Variants in LIMCH1 observed in about 807,000 individuals in gnomAD.
LIMCH1 encodes LIM and calponin homology domains 1, also known as LIM and calponin homology domains-containing protein 1.
Under a neutral mutation model 176.5 loss-of-function variants are expected in LIMCH1, and 113 were observed. The ratio of observed to expected loss-of-function variants is 0.64; its 90% CI spans 0.55 to 0.75. The LOEUF is 0.75. Among genes scored for constraint, LIMCH1 ranks in the 30% least tolerant of loss-of-function variants. The probability of loss-of-function intolerance (pLI) is 0.00; values close to 1 mark genes in which losing one functional copy is unlikely to be tolerated. For synonymous variants in LIMCH1, 619 were observed against 645.9 expected, an observed-to-expected ratio of 0.96 and a Z score of 0.63; for missense variants, 1,674 against 1,814.9, an observed-to-expected ratio of 0.92 and a Z score of 1.41.
intron 1 of LIMCH1, among the ~76,000 whole-genome samples, chr4:41,364,484 C>G (rs113668021): frequency 1.6e-4 from 24 of 152,138 alleles, no homozygotes; most frequent in African/African-American, 4.8e-4. Flanking sequence ...TGATTTCATC[C>G]TATTATCTCA....
chr4:41,672,198 CG>C (rs1553868783), intron 22 of LIMCH1, among the ~76,000 whole-genome samples: 1 of 151,984 alleles, frequency 6.6e-6, no homozygotes, highest in Non-Finnish European at 1.5e-5. Flanking sequence ...GGTGAAACCC[CG>C]TCTCTACTGA....
chr4:41,600,971 C>T (rs1244910512), intron 2 of LIMCH1, among the ~76,000 whole-genome samples: 1 of 152,060 alleles, frequency 6.6e-6, no homozygotes, highest in Non-Finnish European at 1.5e-5. Flanking sequence ...CCTTCCCTCC[C>T]TTTTTAATCC....
At chr4:41,620,119 C>T (rs12648548) in intron 6 of LIMCH1, 191,843 of 307,834 alleles carry the variant, frequency 0.62, 66,848 homozygotes, top group Non-Finnish European at 0.73. Context: ...TATTATTTTC[C>T]ATTGAATAAA....
chr4:41,547,897 A>ATATATATATATATATATATAT (rs56354382), intron 1 of LIMCH1, among the ~76,000 whole-genome samples: 1 of 141,934 alleles, frequency 7.0e-6, no homozygotes. Context: ...ATATATATAT[A>ATATATATATATATATATATAT]AACAGTGAGT....
chr4:41,450,130 G>A (rs1221070773), intron 1 of LIMCH1, among the ~76,000 whole-genome samples: 1 of 152,104 alleles, frequency 6.6e-6, no homozygotes, highest in East Asian at 1.9e-4. Flanking sequence ...TTGCAGAGTG[G>A]CGCACAATTC....
At chr4:41,531,444 C>T (rs1409904304) in intron 3 of LIMCH1, among the ~76,000 whole-genome samples, 5 of 146,890 alleles carry the variant, frequency 3.4e-5, no homozygotes, top group African/African-American at 1.0e-4. Context: ...AAAATGCCCT[C>T]CTCTCTTTCT....
chr4:41,644,924 G>A (rs1384843337), intron 15 of LIMCH1, among the ~76,000 whole-genome samples: 1 of 152,182 alleles, frequency 6.6e-6, no homozygotes, highest in Non-Finnish European at 1.5e-5. Context: ...ATCTTCTGAG[G>A]TTATATATTT....
Position 41,632,795 on chromosome 4 carries a change from C to T in LIMCH1, c.1648C>T (p.Leu550=), listed in dbSNP as rs2093394497. 1 of 1,536,240 alleles carries T rather than the reference C, an allele frequency of 6.5e-7. No individual in the cohort carries two copies. Among genetic ancestry groups the T allele is most frequent in the Non-Finnish European group, 8.7e-7 (1 of 1,146,928 alleles). The part of the protein sequence containing the change: ...RGDYCRRASW[L]APVPESQEEW... ...TGACTATTGCAGAAGGGCCTCGTGG[C>T]TGGCTCCTGTGCCGGAGTCTCAGGA... Residue 550 remains leucine, a synonymous_variant, in exon 11 of 32, where the codon CTG becomes TTG. Coordinates refer to ENST00000503057, the MANE Select transcript of LIMCH1 (RefSeq NM_001330672.2).
upstream of LIMCH1, among the ~76,000 whole-genome samples, chr4:41,533,973 A>G (rs953254210): frequency 6.6e-5 from 10 of 152,228 alleles, no homozygotes; most frequent in Admixed American, 5.2e-4. Flanking sequence ...CTTGGAAACT[A>G]GACCAGGAAT....
At chr4:41,544,203 CT>C (rs1227497212) in intron 1 of LIMCH1, among the ~76,000 whole-genome samples, 1 of 151,978 alleles carries the variant, frequency 6.6e-6, no homozygotes, top group Non-Finnish European at 1.5e-5. Flanking sequence ...ATCTATGACT[CT>C]TTTGAGAACA....
chr4:41,592,857 C>G (rs7676548), intron 1 of LIMCH1, among the ~76,000 whole-genome samples: 13,158 of 152,172 alleles, frequency 0.086, 1,862 homozygotes, highest in African/African-American at 0.3. Flanking sequence ...TCTCTTACTT[C>G]TATTTTCTAA....
intron 1 of LIMCH1, among the ~76,000 whole-genome samples, chr4:41,475,480 T>C (rs1278060087): frequency 2.0e-5 from 3 of 152,146 alleles, no homozygotes; most frequent in African/African-American, 7.2e-5. Context: ...TTCAGTGATA[T>C]CAGGTTGAGC....
rs1488998439 is a variant in LIMCH1, at chr4:41,650,738, T to A, written c.3036+130T>A. On this transcript the variant is annotated intron_variant, in intron 18 of 31. Coordinates refer to ENST00000503057, the MANE Select transcript of LIMCH1 (RefSeq NM_001330672.2). ...TGGCGTATTAGTTTGCTAGGGCTGC[T>A]GTAAGTACCACAAACTCAGTGGCTT... 3 of 758,050 alleles carry A rather than the reference T, an allele frequency of 4.0e-6. No homozygotes were observed. The African/African-American group carries it at 5.3e-5, about 13-fold the overall frequency. 47.0% of individuals were successfully genotyped at this position (758,050 alleles called of 1,614,324 possible). A position where few individuals can be genotyped will look rare whatever the true frequency, so the allele number is the denominator to read the frequency against.
chr4:41,661,514 T>G lies in LIMCH1; in HGVS notation c.3127+4T>G, dbSNP rs774982697. ...AATATAGAACTTGCCTCATCAGGTTTGTTTCATAAGAGACTAGTTTTAAGG... is the reference window on the plus strand; with the variant it reads ...AATATAGAACTTGCCTCATCAGGTTGGTTTCATAAGAGACTAGTTTTAAGG... On this transcript the variant is annotated splice_donor_region_variant and intron_variant, in intron 19 of 31. Coordinates refer to ENST00000503057, the MANE Select transcript of LIMCH1 (RefSeq NM_001330672.2). The G allele has an allele frequency of 6.3e-7, 1 of 1,590,356 alleles. No homozygotes were observed. The highest frequency in any genetic ancestry group is 1.1e-5 in the South Asian group (1 of 90,056).
intron 31 of LIMCH1, among the ~76,000 whole-genome samples, chr4:41,694,298 C>G (rs944515088): frequency 2.6e-5 from 4 of 152,144 alleles, no homozygotes; most frequent in Admixed American, 2.6e-4. Context: ...TTCAGAAAGA[C>G]ACCACATTAA....
chr4:41,376,393 C>G (rs2054781259), intron 1 of LIMCH1, among the ~76,000 whole-genome samples: 1 of 151,976 alleles, frequency 6.6e-6, no homozygotes, highest in Admixed American at 6.5e-5. Flanking sequence ...GGTGTTTGAC[C>G]AAGGGATTTT....
intron 2 of LIMCH1, among the ~76,000 whole-genome samples, chr4:41,520,792 C>T (rs756685518): frequency 2.6e-5 from 4 of 152,036 alleles, no homozygotes; most frequent in Non-Finnish European, 4.4e-5. Context: ...GGTACAAATG[C>T]CTAGTAGTTT....
chr4:41,413,739 A>G (rs890127723), intron 1 of LIMCH1, among the ~76,000 whole-genome samples: 4 of 152,184 alleles, frequency 2.6e-5, no homozygotes, highest in African/African-American at 7.2e-5. Flanking sequence ...TTTATTTAAC[A>G]TGGCTATTAT....
At chr4:41,477,379 A>G (rs544212843) in intron 1 of LIMCH1, among the ~76,000 whole-genome samples, 1 of 152,306 alleles carries the variant, frequency 6.6e-6, no homozygotes, top group Non-Finnish European at 1.5e-5. Context: ...GTGGTTTAGC[A>G]AAGAGAGCTC....
Sources: allele counts gnomAD v4.1 joint callset (sites outside exome capture counted in the v4.1 genomes callset), GRCh38; gene constraint gnomAD v4.1.1; transcripts MANE v1.5; gene names NCBI Gene and HGNC (gene_info 2026-07-23, HGNC 2026-07-21).